RMC1: variants seen among roughly 807,000 people sequenced by gnomAD.
The protein encoded by RMC1 is regulator of MON1-CCZ1, also known as regulator of MON1-CCZ1 complex.
RMC1 carries 44 observed loss-of-function variants against 95.5 expected under a neutral mutation model. That is an observed-to-expected ratio of 0.46 (90% confidence interval 0.36 to 0.59). RMC1 has a LOEUF of 0.59. Ranked by LOEUF, RMC1 falls within the 20% of genes least tolerant of loss-of-function variation. RMC1 has a pLI of 0.00. For missense variants in RMC1, 705 were observed against 819.6 expected (o/e 0.86, Z 1.71); for synonymous variants, 320 against 303.6 (o/e 1.05, Z -0.56).
At position 23,509,365 on chromosome 18, in the gene RMC1, A is replaced by G. The variant is rs546957175; in HGVS notation, c.408+86A>G. 5.6e-5 allele frequency: 23 copies of G among 408,718 alleles called. 2 individuals are homozygous for G. The South Asian group carries it at 2.2e-3, about 39-fold the overall frequency. 25.3% of individuals were successfully genotyped at this position (408,718 alleles called of 1,614,324 possible). A position where few individuals can be genotyped will look rare whatever the true frequency, so the allele number is the denominator to read the frequency against. On this transcript the variant is annotated intron_variant, in intron 5 of 19. Transcript: ENST00000269221. The stretch of plus-strand genomic sequence containing the variant: ...TTTGAATTCAGTACTGAATATATAT[A>G]TATATATTTTAAACATTTTCTAGAG...
At position 23,526,632 on chromosome 18, in the gene RMC1, TC is replaced by T. The variant is rs757743742; in HGVS notation, c.1061-3del. ...CTGTTTTATTTGCTGCCTCTTAAAA[TC>T]CAGGTTACCTCTGGAACCTCCAAGT... On this transcript the variant is annotated splice_polypyrimidine_tract_variant and splice_region_variant and intron_variant, in intron 12 of 19. Coordinates refer to ENST00000269221, the MANE Select transcript of RMC1 (RefSeq NM_013326.5). The T allele has an allele frequency of 2.5e-6, 4 of 1,613,364 alleles. No individual in the cohort carries two copies. In the East Asian group the frequency reaches 8.9e-5, roughly 36 times the overall value.
chr18:23,526,815 T>A, intron 13 of RMC1, 50 bp downstream of exon 13: 1 of 1,593,130 alleles, frequency 6.3e-7, no homozygotes, highest in Non-Finnish European at 8.6e-7. Context: ...AGGCCTGTGC[T>A]GCCCAACACT....
chr18:23,510,281 C>T (rs1361221026), intron 5 of RMC1, among the ~76,000 whole-genome samples: 1 of 151,054 alleles, frequency 6.6e-6, no homozygotes, highest in Non-Finnish European at 1.5e-5. Context: ...GCCAAGATCA[C>T]AGCACTGCAC....
intron 3 of RMC1, 98 bp from the exon 4 acceptor site, chr18:23,507,882 TTTAAG>T: frequency 1.0e-6 from 1 of 987,812 alleles, no homozygotes. Context: ...CTGGTCACTT[TTTAAG>T]TTAATATTTA....
chr18:23,529,135 C>T (rs1312867608), intron 14 of RMC1, 44 bp from the exon 15 acceptor site: 1 of 1,594,392 alleles, frequency 6.3e-7, no homozygotes, highest in Non-Finnish European at 8.5e-7. Context: ...AGCACCCTTC[C>T]TCTAAGATGC....
intron 4 of RMC1, 142 bp downstream of exon 4, chr18:23,508,183 G>T (rs912506817): frequency 1.5e-6 from 1 of 674,120 alleles, no homozygotes. Flanking sequence ...ACTGGAGTCA[G>T]GCGGGGTGTT....
At chr18:23,528,921 C>T (rs1007357452) in intron 14 of RMC1, 1 of 355,950 alleles carries the variant, frequency 2.8e-6, no homozygotes, top group Admixed American at 4.5e-5. Flanking sequence ...TTCTTATTGC[C>T]CAGGCTGGAG....
chr18:23,510,035 A>G (rs1188717683), intron 5 of RMC1, among the ~76,000 whole-genome samples: 1 of 149,436 alleles, frequency 6.7e-6, no homozygotes, highest in Non-Finnish European at 1.5e-5. Context: ...AAAAAAAAAG[A>G]AAAGAAAAAG....
At position 23,530,537 on chromosome 18, in the gene RMC1, A is replaced by G. The variant is rs1367274353; in HGVS notation, c.1819A>G (p.Met607Val). 3 of 1,614,262 alleles carry G rather than the reference A, an allele frequency of 1.9e-6. No homozygotes were observed. The highest frequency in any genetic ancestry group is 1.7e-6 in the Non-Finnish European group (2 of 1,180,050). Residue 607 changes from methionine to valine, a missense_variant, in exon 19 of 20, where the codon ATG (methionine) becomes GTG (valine). Coordinates refer to ENST00000269221, the MANE Select transcript of RMC1 (RefSeq NM_013326.5). ...LDAAKQTEDN[M>V]LFYTIFRFFE... ...TGCTGCAAAGCAGACTGAAGACAAC[A>G]TGCTTTTCTATACAATATTCCGCTT...
Position 23,530,607 on chromosome 18 carries a change from C to T in RMC1, c.1889C>T (p.Thr630Ile), listed in dbSNP as rs534209336. The change falls in exon 19 of 20, where the codon ACA becomes ATA. Residue 630 changes from threonine to isoleucine, a missense_variant. Coordinates refer to ENST00000269221, the MANE Select transcript of RMC1 (RefSeq NM_013326.5). ...CGTTTGCGAGGGAGCCCCAATTTCA[C>T]ACCAGGTGAGAATGCAATGAAAAGA... ...NQRLRGSPNF[T>I]PGEHCEEHVA... 9 of 1,613,164 alleles carry T rather than the reference C, an allele frequency of 5.6e-6. No homozygotes were observed. In the East Asian group the frequency reaches 8.9e-5, roughly 16 times the overall value.
chr18:23,503,796 C>G, intron 1 of RMC1, 76 bp downstream of exon 1: 1 of 1,285,160 alleles, frequency 7.8e-7, no homozygotes, highest in Non-Finnish European at 1.0e-6. Context: ...TCCCGCGCGA[C>G]CAGGCCCGAG....
rs770250549 is a variant in RMC1, at chr18:23,516,356, G to C, written c.586G>C (p.Glu196Gln). The change falls in exon 7 of 20, where the codon GAA (glutamate) becomes CAA (glutamine). Residue 196 changes from glutamate to glutamine, a missense_variant. Physicochemically the swap from Glu to Gln is conservative, Grantham distance 29. Transcript: ENST00000269221. ...GTCGAAGCTGCCCAAATTTGAGATT[G>C]AATTACCAGCTGCGCCTAAGTCAAC... is the stretch of plus-strand genomic sequence containing the variant. ...TMSKLPKFEI[E>Q]LPAAPKSTKP... The C allele has an allele frequency of 2.2e-5, 36 of 1,614,088 alleles. No individual in the cohort carries two copies. Among genetic ancestry groups the C allele is most frequent in the African/African-American group, 6.7e-5 (5 of 74,910 alleles).
At chr18:23,524,660 A>G (rs2058241409) in intron 12 of RMC1, among the ~76,000 whole-genome samples, 178 bp downstream of exon 12, 1 of 151,906 alleles carries the variant, frequency 6.6e-6, no homozygotes, top group Non-Finnish European at 1.5e-5. Flanking sequence ...CATTTTATCA[A>G]GAACATATAC....
chr18:23,512,977 G>A (rs2057902734), intron 5 of RMC1, among the ~76,000 whole-genome samples: 1 of 151,004 alleles, frequency 6.6e-6, no homozygotes, highest in Admixed American at 6.6e-5. Flanking sequence ...TTTTTAAGAT[G>A]GAGTCTTGCT....
intron 5 of RMC1, among the ~76,000 whole-genome samples, chr18:23,514,125 A>C (rs1283464891): frequency 6.6e-6 from 1 of 152,126 alleles, no homozygotes; most frequent in Admixed American, 6.6e-5. Flanking sequence ...AATTTTGTTG[A>C]CCTAATGAAA....
chr18:23,505,284 C>T (rs1287797456), intron 2 of RMC1, among the ~76,000 whole-genome samples: 2 of 152,166 alleles, frequency 1.3e-5, no homozygotes, highest in African/African-American at 2.4e-5. Context: ...TGGTTTCGAA[C>T]TCCTGACCTC....
Position 23,529,309 on chromosome 18 carries a change from G to T in RMC1, c.1416+11G>T. Reference sequence around the variant, plus strand: ...TTTGTGGAAAAGAAGGTGGGCTGCAGCTTTCCGCCTCTTCTGGACTGAGAA... The same window carrying T: ...TTTGTGGAAAAGAAGGTGGGCTGCATCTTTCCGCCTCTTCTGGACTGAGAA... On this transcript the variant is annotated intron_variant, in intron 15 of 19. Coordinates refer to ENST00000269221, the MANE Select transcript of RMC1 (RefSeq NM_013326.5). 1 of 1,602,762 alleles carries T rather than the reference G, an allele frequency of 6.2e-7. No individual in the cohort carries two copies.
At chr18:23,508,959 G>A (rs1346628985) in intron 4 of RMC1, among the ~76,000 whole-genome samples, 1 of 152,182 alleles carries the variant, frequency 6.6e-6, no homozygotes, top group Non-Finnish European at 1.5e-5. Context: ...ACAAAACACA[G>A]ACTTCTCCTG....
Position 23,514,572 on chromosome 18 carries a change from T to C in RMC1, c.409-1284T>C, listed in dbSNP as rs907323723. Among the ~76,000 whole-genome samples, 6 of 151,368 alleles carry C rather than the reference T, an allele frequency of 4.0e-5. No homozygotes were observed. In the East Asian group the frequency reaches 1.2e-3, roughly 30 times the overall value. On this transcript the variant is annotated intron_variant, in intron 5 of 19. Coordinates refer to ENST00000269221, the MANE Select transcript of RMC1 (RefSeq NM_013326.5). ...AACTCCGTCTCAAAAAAAAAAAAAA[T>C]TTGTAATGACCAATAGGAGAACTTT...
Sources: gnomAD v4.1 joint callset for allele counts (sites outside exome capture counted in the v4.1 genomes callset) on GRCh38, gnomAD v4.1.1 for gene constraint, MANE v1.5 for transcripts, NCBI Gene and HGNC (gene_info 2026-07-23, HGNC 2026-07-21) for gene names.